CLSTN2: variants seen among roughly 807,000 people sequenced by gnomAD.
CLSTN2 encodes the protein calsyntenin 2, also known as calsyntenin-2.
A neutral mutation model predicts 101.2 loss-of-function variants in CLSTN2; 48 were observed. The ratio of observed to expected loss-of-function variants is 0.47; its 90% CI spans 0.38 to 0.60. CLSTN2 has a LOEUF of 0.60. Ranked by LOEUF, CLSTN2 falls within the 20% of genes least tolerant of loss-of-function variation. The pLI is 0.00. For synonymous variants in CLSTN2, 481 were observed against 463.6 expected, an observed-to-expected ratio of 1.04 and a Z score of -0.48; for missense variants, 1,160 against 1,238.2, an observed-to-expected ratio of 0.94 and a Z score of 0.95.
intron 2 of CLSTN2, among the ~76,000 whole-genome samples, chr3:140,295,708 G>T (rs1227764525): frequency 1.3e-5 from 2 of 152,078 alleles, no homozygotes; most frequent in African/African-American, 4.8e-5. Context: ...TAAATGCTCA[G>T]AAATAATAAA....
rs112385117 is a variant in CLSTN2 at position 140,182,482 on chromosome 3, C to T, written c.232+6409C>T. Among the ~76,000 whole-genome samples, 564 of 152,264 alleles carry T rather than the reference C, an allele frequency of 3.7e-3. 4 individuals are homozygous for T. Among genetic ancestry groups the T allele is most frequent in the African/African-American group, 0.013 (541 of 41,556 alleles). On this transcript the variant is annotated intron_variant, in intron 2 of 16. Transcript: ENST00000458420. ...CAGCCTTCTTCAGTCTGTCCTGCCC[C>T]ACAGCTCTCTGAGCTCGGACCTCGC...
chr3:140,233,789 T>A (rs905298526), intron 2 of CLSTN2, among the ~76,000 whole-genome samples: 5 of 152,192 alleles, frequency 3.3e-5, no homozygotes, highest in African/African-American at 1.2e-4. Flanking sequence ...TGAAACATAT[T>A]TTCTCCTTCC....
At position 140,481,515 on chromosome 3, in the gene CLSTN2, T is replaced by A. The variant is rs1934115543; in HGVS notation, c.1344+14784T>A. On this transcript the variant is annotated intron_variant, in intron 8 of 16. Transcript: ENST00000458420. The stretch of plus-strand genomic sequence containing the variant: ...CATTGGTAGCTTGATGGGGATGGCA[T>A]TGAATCTATAAATTACCTTGGGCAG... Among the ~76,000 whole-genome samples the A allele has an allele frequency of 2.6e-5, 4 of 152,336 alleles. No homozygotes were observed. The East Asian group carries it at 7.7e-4, about 29-fold the overall frequency.
chr3:140,412,911 G>A (rs911376780), intron 4 of CLSTN2, among the ~76,000 whole-genome samples: 1 of 151,970 alleles, frequency 6.6e-6, no homozygotes, highest in Admixed American at 6.6e-5. Flanking sequence ...AATGATATAG[G>A]AATAAATAGA....
At chr3:140,195,659 A>G (rs569116295) in intron 2 of CLSTN2, among the ~76,000 whole-genome samples, 1 of 152,352 alleles carries the variant, frequency 6.6e-6, no homozygotes, top group East Asian at 1.9e-4. Flanking sequence ...CCAAATGTAT[A>G]TTAAAAAGTA....
At chr3:139,956,164 G>A (rs1935391316) in intron 1 of CLSTN2, among the ~76,000 whole-genome samples, 1 of 152,178 alleles carries the variant, frequency 6.6e-6, no homozygotes, top group African/African-American at 2.4e-5. Flanking sequence ...ATAAGTAGTG[G>A]TATTAGGACG....
At position 140,532,386 on chromosome 3, in the gene CLSTN2, C is replaced by A. The variant is rs781260805; in HGVS notation, c.1407C>A (p.Tyr469Ter). ...INVEFPVVTL[Y>*]MDGATYEPYL... ...TGGAGTTTCCTGTGGTAACCTTATACATGGATGGAGCAACATATGAACCAT... is the reference window on the plus strand; with the variant it reads ...TGGAGTTTCCTGTGGTAACCTTATAAATGGATGGAGCAACATATGAACCAT... The change falls in exon 9 of 17, where the codon TAC becomes TAA. Residue 469 changes from tyrosine to a stop codon, truncating the protein, a stop_gained. Transcript: ENST00000458420. LOFTEE classifies it high-confidence loss of function. 1.2e-6 allele frequency: 2 copies of A among 1,613,610 alleles called. No homozygotes were observed. Among genetic ancestry groups the A allele is most frequent in the Non-Finnish European group, 1.7e-6 (2 of 1,179,554 alleles).
chr3:140,181,351 G>T (rs147207974), intron 2 of CLSTN2, among the ~76,000 whole-genome samples: 1 of 152,168 alleles, frequency 6.6e-6, no homozygotes, highest in African/African-American at 2.4e-5. Context: ...CAGAGTAATT[G>T]AAATTTGTAT....
intron 16 of CLSTN2, among the ~76,000 whole-genome samples, chr3:140,564,701 T>C (rs1384134253): frequency 6.6e-6 from 1 of 152,224 alleles, no homozygotes; most frequent in Non-Finnish European, 1.5e-5. Flanking sequence ...ATAGGAGTTA[T>C]CATCTTCATT....
chr3:140,309,282 G>A (rs1002681224), intron 2 of CLSTN2, among the ~76,000 whole-genome samples: 4 of 152,184 alleles, frequency 2.6e-5, no homozygotes, highest in Admixed American at 2.0e-4. Flanking sequence ...AGGACATGTA[G>A]ACAGAGGGGC....
chr3:140,189,082 T>G (rs1419714921), intron 2 of CLSTN2, among the ~76,000 whole-genome samples: 1 of 152,228 alleles, frequency 6.6e-6, no homozygotes, highest in Non-Finnish European at 1.5e-5. Flanking sequence ...GAAATTCATC[T>G]AAGTTGTTGC....
Position 140,066,755 on chromosome 3 carries a change from A to G in CLSTN2, c.110-109196A>G, listed in dbSNP as rs375418912. On this transcript the variant is annotated intron_variant, in intron 1 of 16. Coordinates refer to ENST00000458420, the MANE Select transcript of CLSTN2 (RefSeq NM_022131.3). ...CACTATAACCTCCAGATCCCATTCT[A>G]ATTCATCAGATGCATTACCTTTCAC... Among the ~76,000 whole-genome samples the G allele has an allele frequency of 5.3e-5, 8 of 152,308 alleles. No homozygotes were observed. The East Asian group carries it at 9.6e-4, about 18-fold the overall frequency.
chr3:140,459,615 C>T lies in CLSTN2; in HGVS notation c.1068C>T (p.Phe356=). 1 of 1,614,158 alleles carries T rather than the reference C, an allele frequency of 6.2e-7. No homozygotes were observed. The highest frequency in any genetic ancestry group is 8.5e-7 in the Non-Finnish European group (1 of 1,180,016). The part of the protein sequence containing the change: ...GLLVDSSEMI[F]KFDGRQGAKV... Reference sequence around the variant, plus strand: ...TGGTGGACAGCAGTGAGATGATCTTCAAGTTTGACGGCAGGCAGGGTGCCA... The same window carrying T: ...TGGTGGACAGCAGTGAGATGATCTTTAAGTTTGACGGCAGGCAGGGTGCCA... Residue 356 remains phenylalanine (F), a synonymous_variant, in exon 7 of 17, where the codon TTC becomes TTT. Coordinates refer to ENST00000458420, the MANE Select transcript of CLSTN2 (RefSeq NM_022131.3).
At chr3:140,038,660 G>A (rs189173054) in intron 1 of CLSTN2, among the ~76,000 whole-genome samples, 33 of 151,864 alleles carry the variant, frequency 2.2e-4, no homozygotes, top group African/African-American at 6.3e-4. Flanking sequence ...TGTCATTATC[G>A]CTCCTAAAAA....
chr3:140,397,618 A>C (rs1466016979), intron 2 of CLSTN2, among the ~76,000 whole-genome samples: 1 of 152,152 alleles, frequency 6.6e-6, no homozygotes, highest in Non-Finnish European at 1.5e-5. Context: ...TTCTCACTGT[A>C]ACCTCACATG....
chr3:140,139,174 T>C (rs1292618670), intron 1 of CLSTN2, among the ~76,000 whole-genome samples: 2 of 152,178 alleles, frequency 1.3e-5, no homozygotes, highest in African/African-American at 4.8e-5. Context: ...CATGTTGCAG[T>C]AGAGTGAACT....
intron 1 of CLSTN2, among the ~76,000 whole-genome samples, chr3:140,068,734 A>C (rs1460989419): frequency 6.6e-6 from 1 of 152,240 alleles, no homozygotes; most frequent in Non-Finnish European, 1.5e-5. Context: ...CCTAATAAGA[A>C]GACCAATTTC....
intron 8 of CLSTN2, among the ~76,000 whole-genome samples, chr3:140,506,397 T>A (rs1269583531): frequency 6.6e-6 from 1 of 152,124 alleles, no homozygotes; most frequent in Non-Finnish European, 1.5e-5. Context: ...TGCCTCTCTT[T>A]CGTCACACTC....
chr3:140,307,157 G>A (rs1334658415), intron 2 of CLSTN2, among the ~76,000 whole-genome samples: 2 of 152,090 alleles, frequency 1.3e-5, no homozygotes, highest in Non-Finnish European at 2.9e-5. Context: ...CTTCCACCAT[G>A]ATTATGAGGC....
Sources: allele counts gnomAD v4.1 joint callset (sites outside exome capture counted in the v4.1 genomes callset), GRCh38; gene constraint gnomAD v4.1.1; transcripts MANE v1.5; gene names NCBI Gene and HGNC (gene_info 2026-07-23, HGNC 2026-07-21).